Variants in NLGN1 observed in about 807,000 individuals in gnomAD.
NLGN1 encodes the protein neuroligin 1.
In NLGN1, 12 loss-of-function variants were observed where a neutral mutation model predicts 65.5. The observed-to-expected ratio is 0.18, with a 90% CI of 0.12 to 0.30. NLGN1 has a LOEUF of 0.30. Ranked by LOEUF, NLGN1 falls within the 10% of genes least tolerant of loss-of-function variation. The pLI is 1.00. For synonymous variants in NLGN1, 350 were observed against 359.5 expected (o/e 0.97, Z 0.30); for missense variants, 750 against 1,007.1 (o/e 0.74, Z 3.46).
Position 173,895,405 on chromosome 3 carries a change from A to C in NLGN1, c.646+87573A>C, listed in dbSNP as rs76048731. Among the ~76,000 whole-genome samples the C allele has an allele frequency of 7.0e-3, 1,073 of 152,314 alleles. 13 individuals are homozygous for C. Among genetic ancestry groups the C allele is most frequent in the African/African-American group, 0.024 (1,007 of 41,576 alleles). ...CCCGGAAAGGAAAGCAATGAAACTA[A>C]AACTTGGGGAATCTTACTGTGAGGC... On this transcript the variant is annotated intron_variant, in intron 4 of 6. Transcript: ENST00000457714.
chr3:174,239,512 C>T (rs960020650), intron 4 of NLGN1, among the ~76,000 whole-genome samples: 1 of 152,266 alleles, frequency 6.6e-6, no homozygotes. Context: ...TTCCTAATTG[C>T]ATTTTAGTTA....
At chr3:174,064,056 C>T (rs1352105809) in intron 4 of NLGN1, among the ~76,000 whole-genome samples, 3 of 151,886 alleles carry the variant, frequency 2.0e-5, no homozygotes, top group Admixed American at 6.6e-5. Flanking sequence ...GCAGTAGAGC[C>T]GTTTGAACCC....
At chr3:174,237,916 T>C (rs1194848948) in intron 4 of NLGN1, among the ~76,000 whole-genome samples, 4 of 152,198 alleles carry the variant, frequency 2.6e-5, no homozygotes, top group African/African-American at 9.7e-5. Context: ...TAGCACCTTT[T>C]CTATTGCCTC....
chr3:173,913,170 A>G (rs1406768674), intron 4 of NLGN1, among the ~76,000 whole-genome samples: 1 of 152,130 alleles, frequency 6.6e-6, no homozygotes, highest in Non-Finnish European at 1.5e-5. Context: ...TCAAGGAAAA[A>G]ACAGAAAAAC....
intron 4 of NLGN1, among the ~76,000 whole-genome samples, chr3:174,033,019 T>G (rs1730361835): frequency 6.6e-6 from 1 of 152,080 alleles, no homozygotes; most frequent in East Asian, 1.9e-4. Context: ...TATAGATCTA[T>G]ATCTATGTCT....
chr3:173,601,943 C>T (rs1406736769), intron 2 of NLGN1, among the ~76,000 whole-genome samples: 2 of 151,892 alleles, frequency 1.3e-5, no homozygotes, highest in Non-Finnish European at 2.9e-5. Context: ...TTTTACAGTT[C>T]AATTTTAAAT....
intron 4 of NLGN1, chr3:173,914,936 G>A (rs1740423823): frequency 1.3e-5 from 2 of 152,180 alleles, no homozygotes; most frequent in African/African-American, 4.8e-5. Flanking sequence ...CTTGAATGGA[G>A]CACAAGATTT....
intron 4 of NLGN1, among the ~76,000 whole-genome samples, chr3:173,908,254 G>T (rs546905756): frequency 1.5e-4 from 23 of 152,226 alleles, no homozygotes; most frequent in Non-Finnish European, 2.6e-4. Context: ...AGCCCAGAAT[G>T]GTGCATTAGA....
rs562011682 is a variant in NLGN1, at chr3:173,413,973, C to T, written c.-390+15486C>T. Among the ~76,000 whole-genome samples, 9 of 152,286 alleles carry T rather than the reference C, an allele frequency of 5.9e-5. No homozygotes were observed. In the South Asian group the frequency reaches 1.7e-3, roughly 28 times the overall value. On this transcript the variant is annotated intron_variant, in intron 1 of 6. Transcript: ENST00000457714. ...GTACAGAGAAGGTGTCCCCAGCACG[C>T]GGTTCCACACTGTAGTGAATATCAT... is the stretch of plus-strand genomic sequence containing the variant.
chr3:174,041,393 A>T (rs960405010), intron 4 of NLGN1, among the ~76,000 whole-genome samples: 2 of 152,176 alleles, frequency 1.3e-5, no homozygotes, highest in Admixed American at 6.6e-5. Context: ...TTATTAATAG[A>T]TATCTAGGCT....
chr3:173,686,506 C>T (rs1201350818), intron 3 of NLGN1, among the ~76,000 whole-genome samples: 1 of 152,096 alleles, frequency 6.6e-6, no homozygotes, highest in Non-Finnish European at 1.5e-5. Context: ...TCTAATCAAA[C>T]TTTGCTCTCT....
chr3:173,976,804 T>C (rs988304743), intron 4 of NLGN1, among the ~76,000 whole-genome samples: 2 of 152,060 alleles, frequency 1.3e-5, no homozygotes, highest in African/African-American at 4.8e-5. Flanking sequence ...TATCCATCTT[T>C]CCTCACAGAT....
intron 2 of NLGN1, among the ~76,000 whole-genome samples, chr3:173,600,721 AT>A (rs913847493): frequency 6.6e-6 from 1 of 151,142 alleles, no homozygotes; most frequent in African/African-American, 2.4e-5. Context: ...CATTAGAGTA[AT>A]TTTTTTTAGA....
At chr3:174,039,026 C>A (rs745785223) in intron 4 of NLGN1, among the ~76,000 whole-genome samples, 1 of 152,138 alleles carries the variant, frequency 6.6e-6, no homozygotes, top group Non-Finnish European at 1.5e-5. Context: ...TAGACATGAG[C>A]ATCAAAAATT....
chr3:173,997,479 AAG>A (rs1458952453), intron 4 of NLGN1, among the ~76,000 whole-genome samples: 2 of 152,190 alleles, frequency 1.3e-5, no homozygotes, highest in South Asian at 2.1e-4. Flanking sequence ...ACAGAATTCT[AAG>A]AGTCTTAATG....
intron 4 of NLGN1, among the ~76,000 whole-genome samples, chr3:174,212,628 C>A (rs1278527518): frequency 6.6e-6 from 1 of 152,162 alleles, no homozygotes; most frequent in Non-Finnish European, 1.5e-5. Context: ...AGAATGTATC[C>A]CTGTCATTAT....
intron 4 of NLGN1, among the ~76,000 whole-genome samples, chr3:174,078,339 A>G (rs1685151746): frequency 6.6e-6 from 1 of 152,188 alleles, no homozygotes; most frequent in Non-Finnish European, 1.5e-5. Flanking sequence ...CAGTGTGGAA[A>G]CACAGAAGAA....
intron 1 of NLGN1, among the ~76,000 whole-genome samples, chr3:173,400,981 T>C (rs993199477): frequency 1.3e-5 from 2 of 151,930 alleles, no homozygotes; most frequent in Non-Finnish European, 2.9e-5. Context: ...TCTTCTATTA[T>C]CTCGAAACCT....
intron 4 of NLGN1, among the ~76,000 whole-genome samples, chr3:174,017,718 T>C (rs1270522593): frequency 6.6e-6 from 1 of 152,032 alleles, no homozygotes; most frequent in Non-Finnish European, 1.5e-5. Flanking sequence ...TTATTAGTGA[T>C]TTTCAAAAGG....
Sources: gnomAD v4.1 joint callset for allele counts (sites outside exome capture counted in the v4.1 genomes callset) on GRCh38, gnomAD v4.1.1 for gene constraint, MANE v1.5 for transcripts, NCBI Gene and HGNC (gene_info 2026-07-23, HGNC 2026-07-21) for gene names.